The following TXLNG variants were observed in gnomAD, a reference collection of about 807,000 sequenced individuals.
TXLNG encodes the protein gamma-taxilin.
TXLNG carries 5 observed loss-of-function variants against 38.8 expected under a neutral mutation model. The observed-to-expected ratio is 0.13, with a 90% CI of 0.07 to 0.27. The LOEUF is 0.27. Among genes scored for constraint, TXLNG ranks in the 10% least tolerant of loss-of-function variants. The probability of loss-of-function intolerance (pLI) is 1.00; values close to 1 mark genes in which losing one functional copy is unlikely to be tolerated. For synonymous variants in TXLNG, 182 were observed against 158.2 expected (o/e 1.15, Z -1.13); for missense variants, 393 against 398.2 (o/e 0.99, Z 0.11).
At chrX:16,802,903 C>T (rs1330649579) in intron 1 of TXLNG, among the ~76,000 whole-genome samples, 1 of 105,621 alleles carries the variant, frequency 9.5e-6, no homozygotes, top group Non-Finnish European at 1.9e-5. Context: ...TCACTGCAGC[C>T]TCCGTCTCCC....
intron 1 of TXLNG, among the ~76,000 whole-genome samples, chrX:16,808,340 C>G (rs769653317): frequency 1.8e-5 from 2 of 112,023 alleles, no homozygotes; most frequent in Non-Finnish European, 3.8e-5. Context: ...CATCTGGAAA[C>G]TACTCAGTGT....
At chrX:16,807,801 T>C (rs1928384507) in intron 1 of TXLNG, among the ~76,000 whole-genome samples, 1 of 111,583 alleles carries the variant, frequency 9.0e-6, no homozygotes, top group Admixed American at 9.7e-5. Context: ...TGCCTGGCCC[T>C]GGTCAAAGGT....
chrX:16,820,706 A>G (rs901105495), intron 3 of TXLNG, among the ~76,000 whole-genome samples: 21 of 112,814 alleles, frequency 1.9e-4, no homozygotes, highest in African/African-American at 6.1e-4. Flanking sequence ...CTATGTGTCA[A>G]GCATCCTTTT....
chrX:16,792,613 T>C (rs1428284549), intron 1 of TXLNG, among the ~76,000 whole-genome samples: 1 of 108,808 alleles, frequency 9.2e-6, no homozygotes, highest in Non-Finnish European at 1.9e-5. Context: ...AGACCCCGTC[T>C]CTATGAAGAA....
chrX:16,837,207 G>T lies in TXLNG; in HGVS notation c.1060-386G>T, dbSNP rs553122409. 8.0e-5 allele frequency among the ~76,000 whole-genome samples: 9 copies of T among 111,988 alleles called. No homozygotes were observed. In the South Asian group the frequency reaches 3.3e-3, roughly 42 times the overall value. On this transcript the variant is annotated intron_variant, in intron 7 of 9. Coordinates refer to ENST00000380122, the MANE Select transcript of TXLNG (RefSeq NM_018360.3). Reference sequence around the variant, plus strand: ...TTTTCCTCCCTTCGTTAAGGAAAGAGATACCATTGCTATCAAACTAAGAAC... The same window carrying T: ...TTTTCCTCCCTTCGTTAAGGAAAGATATACCATTGCTATCAAACTAAGAAC...
chrX:16,795,221 G>A (rs945883360), intron 1 of TXLNG, among the ~76,000 whole-genome samples: 7 of 110,541 alleles, frequency 6.3e-5, no homozygotes, highest in Non-Finnish European at 3.8e-5. Context: ...AGCTTGCAGC[G>A]AGCCGAGATT....
rs1221131964 is a variant in TXLNG at position 16,844,133 on chromosome X, G to C, written c.*2367G>C. On this transcript the variant is annotated 3_prime_UTR_variant, in exon 10 of 10. Transcript: ENST00000380122. ...GGACTCCAAGGTGTAGAGAAAACTT[G>C]GGTCTTGGGTAATATGGACCATTTC... 8.9e-6 allele frequency: 1 copy of C among 111,896 alleles called. No homozygotes were observed. The highest frequency in any genetic ancestry group is 1.9e-5 in the Non-Finnish European group (1 of 53,187). The allele number at this position is 111,896 out of a possible 1,213,427, so 9.2% of individuals were successfully genotyped here. A position where few individuals can be genotyped will look rare whatever the true frequency, so the allele number is the denominator to read the frequency against.
chrX:16,821,171 C>T (rs1314655566), intron 3 of TXLNG, among the ~76,000 whole-genome samples: 4 of 86,081 alleles, frequency 4.6e-5, no homozygotes, highest in Non-Finnish European at 6.6e-5. Context: ...GACGGAGTCT[C>T]GCTCCGTCAC....
intron 9 of TXLNG, among the ~76,000 whole-genome samples, chrX:16,841,142 C>T (rs1480926151): frequency 9.1e-6 from 1 of 109,594 alleles, no homozygotes; most frequent in African/African-American, 3.3e-5. Flanking sequence ...TTGCAGTGAG[C>T]CGAGATCACG....
rs1358548919 is a variant in TXLNG, at chrX:16,843,992, C to T, written c.*2226C>T. 2 of 111,597 alleles carry T rather than the reference C, an allele frequency of 1.8e-5. No individual in the cohort carries two copies. Among genetic ancestry groups the T allele is most frequent in the African/African-American group, 6.5e-5 (2 of 30,650 alleles). 9.2% of individuals were successfully genotyped at this position (111,597 alleles called of 1,213,427 possible). On this transcript the variant is annotated 3_prime_UTR_variant, in exon 10 of 10. Transcript: ENST00000380122. ...TAGCGCACCCCGTATCTACCATATT[C>T]TAGAACACTGTAATGCTACTAGGCT...
At chrX:16,826,008 A>G (rs931794197) in intron 3 of TXLNG, among the ~76,000 whole-genome samples, 3 of 112,274 alleles carry the variant, frequency 2.7e-5, no homozygotes, top group African/African-American at 9.7e-5. Context: ...CCTCATTTGC[A>G]CTAGCTACAA....
rs942542762 is a variant in TXLNG at position 16,842,436 on chromosome X, T to G, written c.*670T>G. ...CAAATAAGCTTAGTGTTTACGTGACTGAACAGTCATCCTGCTTTGGTTTCA... is the reference window on the plus strand; with the variant it reads ...CAAATAAGCTTAGTGTTTACGTGACGGAACAGTCATCCTGCTTTGGTTTCA... On this transcript the variant is annotated 3_prime_UTR_variant, in exon 10 of 10. Coordinates refer to ENST00000380122, the MANE Select transcript of TXLNG (RefSeq NM_018360.3). 2.7e-5 allele frequency: 3 copies of G among 111,759 alleles called. No individual in the cohort carries two copies. Among genetic ancestry groups the G allele is most frequent in the African/African-American group, 9.8e-5 (3 of 30,721 alleles). 9.2% of individuals were successfully genotyped at this position (111,759 alleles called of 1,213,427 possible). A position where few individuals can be genotyped will look rare whatever the true frequency, so the allele number is the denominator to read the frequency against.
chrX:16,823,929 GC>G (rs1569269285), intron 3 of TXLNG, among the ~76,000 whole-genome samples: 1 of 92,013 alleles, frequency 1.1e-5, no homozygotes. Context: ...GCTATTCTTG[GC>G]CCTTTACTCT....
rs184468950 is a variant in TXLNG, at chrX:16,799,681, G to C, written c.102+13092G>C. ...AGCTACTCGGGAGGCTGAGGCAGGA[G>C]AATTGTTTGAACCCAGGAGGCGGAG... is the stretch of plus-strand genomic sequence containing the variant. On this transcript the variant is annotated intron_variant, in intron 1 of 9. Transcript: ENST00000380122. Among the ~76,000 whole-genome samples, 492 of 110,481 alleles carry C rather than the reference G, an allele frequency of 4.5e-3. 12 individuals are homozygous for C. The highest frequency in any genetic ancestry group is 0.041 in the Admixed American group (421 of 10,350).
intron 1 of TXLNG, among the ~76,000 whole-genome samples, chrX:16,797,172 T>C (rs1380314135): frequency 1.8e-5 from 2 of 108,465 alleles, no homozygotes; most frequent in Non-Finnish European, 3.8e-5. Context: ...TAATCCCAGC[T>C]ACTTGGGAGG....
At position 16,841,450 on chromosome X, in the gene TXLNG, A is replaced by G. The variant is rs201831341; in HGVS notation, c.1271A>G (p.Tyr424Cys). 1.1e-4 allele frequency: 134 copies of G among 1,208,933 alleles called. No individual in the cohort carries two copies. Among genetic ancestry groups the G allele is most frequent in the Admixed American group, 3.3e-4 (15 of 45,588 alleles). ...CAGAAAACAGTCCGTGATAAAGAGT[A>G]CAAGGCCCTTCAAATAAAACTGGAA... ...AEEKTVRDKE[Y>C]KALQIKLERL... The change falls in exon 10 of 10, where the codon TAC becomes TGC. Residue 424 changes from tyrosine to cysteine, a missense_variant. Coordinates refer to ENST00000380122, the MANE Select transcript of TXLNG (RefSeq NM_018360.3).
intron 1 of TXLNG, among the ~76,000 whole-genome samples, chrX:16,801,968 T>C (rs1409613083): frequency 1.0e-5 from 1 of 97,485 alleles, no homozygotes; most frequent in Non-Finnish European, 2.1e-5. Flanking sequence ...TTTTTTTTTT[T>C]TTTGAGACGG....
chrX:16,820,086 G>A (rs1928886137), intron 2 of TXLNG, 78 bp from the exon 3 acceptor site: 4 of 746,688 alleles, frequency 5.4e-6, no homozygotes, highest in African/African-American at 4.3e-5. Flanking sequence ...GTCAGAGCAC[G>A]GGAATTGTTA....
intron 2 of TXLNG, 131 bp downstream of exon 2, chrX:16,819,008 T>A: frequency 1.6e-6 from 1 of 634,353 alleles, no homozygotes; most frequent in Non-Finnish European, 2.3e-6. Context: ...TTCGGTGAGG[T>A]CAGTCCATGT....
Sources: gnomAD v4.1 joint callset for allele counts (sites outside exome capture counted in the v4.1 genomes callset) on GRCh38, gnomAD v4.1.1 for gene constraint, MANE v1.5 for transcripts, NCBI Gene and HGNC (gene_info 2026-07-23, HGNC 2026-07-21) for gene names.